Variants in PLEKHA6 observed in about 807,000 individuals in gnomAD.
PLEKHA6 encodes pleckstrin homology domain-containing family A member 6.
In PLEKHA6, 60 loss-of-function variants were observed where a neutral mutation model predicts 116.7. That is an observed-to-expected ratio of 0.51 (90% CI 0.42 to 0.64). PLEKHA6 has a LOEUF of 0.64. PLEKHA6 is among the 30% of genes least tolerant of loss of function. The probability of loss-of-function intolerance (pLI) is 0.00; values close to 1 mark genes in which losing one functional copy is unlikely to be tolerated. For synonymous variants in PLEKHA6, 489 were observed against 556.1 expected, an observed-to-expected ratio of 0.88 and a Z score of 1.70; for missense variants, 1,338 against 1,422.7, an observed-to-expected ratio of 0.94 and a Z score of 0.96.
In PLEKHA6 at chr1:204,307,916, G is replaced by A. The variant is rs75027609; in HGVS notation, c.-94-33107C>T. 2,260 of 984,166 alleles carry A rather than the reference G, an allele frequency of 2.3e-3. 52 individuals are homozygous for A. The African/African-American group carries it at 0.035, about 15-fold the overall frequency. The allele number at this position is 984,166 out of a possible 1,614,324, so 61.0% of individuals were successfully genotyped here. ...GGCAATAAGGGCAACAGGCAAGTCT[G>A]CAGCTTAAGAGCAGAGATTTTGAGA... On this transcript the variant is annotated intron_variant, in intron 1 of 22. Transcript: ENST00000272203.
intron 1 of PLEKHA6, chr1:204,280,173 T>C (rs1455640554): frequency 3.2e-6 from 1 of 313,934 alleles, no homozygotes; most frequent in Non-Finnish European, 4.6e-6. Context: ...AGCTTTCCTG[T>C]AGTTCAAGAG....
intron 3 of PLEKHA6, among the ~76,000 whole-genome samples, chr1:204,273,387 C>T (rs1440532486): frequency 1.3e-5 from 2 of 152,198 alleles, no homozygotes; most frequent in East Asian, 1.9e-4. Flanking sequence ...CATCCAACCC[C>T]GACTGCTAGC....
intron 1 of PLEKHA6, among the ~76,000 whole-genome samples, chr1:204,288,285 G>A (rs1035464760): frequency 6.6e-6 from 1 of 152,212 alleles, no homozygotes; most frequent in Non-Finnish European, 1.5e-5. Flanking sequence ...AGCCGGAGCT[G>A]GCTGATGGAC....
chr1:204,357,850 G>T (rs1220286892), intron 1 of PLEKHA6, among the ~76,000 whole-genome samples: 1 of 152,254 alleles, frequency 6.6e-6, no homozygotes, highest in Non-Finnish European at 1.5e-5. Flanking sequence ...CTGCAGGCTG[G>T]GTCTGGGCGA....
At chr1:204,281,252 G>A (rs1316738661) in intron 1 of PLEKHA6, among the ~76,000 whole-genome samples, 2 of 152,046 alleles carry the variant, frequency 1.3e-5, no homozygotes, top group Admixed American at 6.6e-5. Flanking sequence ...AAGGCCGGGG[G>A]CGGTGGCTCA....
chr1:204,326,967 A>G (rs1184618545), intron 1 of PLEKHA6: 1 of 985,140 alleles, frequency 1.0e-6, no homozygotes, highest in Non-Finnish European at 1.2e-6. Flanking sequence ...TGGTCCAGGC[A>G]GAAGCGCGCT....
At chr1:204,244,344 T>C (rs114765999) in intron 15 of PLEKHA6, among the ~76,000 whole-genome samples, 2,838 of 151,696 alleles carry the variant, frequency 0.019, 100 homozygotes, top group African/African-American at 0.066. Flanking sequence ...GGTTTCACCA[T>C]GTTGGCCGGG....
chr1:204,356,719 T>C (rs1673427205), intron 1 of PLEKHA6, among the ~76,000 whole-genome samples: 2 of 152,184 alleles, frequency 1.3e-5, no homozygotes, highest in Admixed American at 1.3e-4. Context: ...CATACACTCA[T>C]GCATGAATTC....
chr1:204,364,887 C>T (rs550606688), upstream of PLEKHA6, among the ~76,000 whole-genome samples: 5 of 152,328 alleles, frequency 3.3e-5, no homozygotes, highest in Non-Finnish European at 7.3e-5. Flanking sequence ...TTGTGATACA[C>T]GCTCCAGTTG....
upstream of PLEKHA6, among the ~76,000 whole-genome samples, chr1:204,360,767 C>T (rs1673541640): frequency 6.6e-6 from 1 of 152,084 alleles, no homozygotes; most frequent in Non-Finnish European, 1.5e-5. Flanking sequence ...CTTGATAACC[C>T]TGAGCAAGGA....
intron 1 of PLEKHA6, among the ~76,000 whole-genome samples, chr1:204,352,141 A>G (rs777649521): frequency 3.9e-5 from 6 of 152,112 alleles, no homozygotes; most frequent in Non-Finnish European, 7.3e-5. Context: ...CCGGAGGCCA[A>G]GGCAGACAGA....
chr1:204,228,230 T>C lies in PLEKHA6; in HGVS notation c.2886-2A>G. ...CCGATGGGCACCACGTTCTGCATACTGAAGAGGCACAGACACACAGAAATG... is the reference window on the plus strand; with the variant it reads ...CCGATGGGCACCACGTTCTGCATACCGAAGAGGCACAGACACACAGAAATG... On this transcript the variant is annotated splice_acceptor_variant, in intron 20 of 22. Transcript: ENST00000272203. LOFTEE classifies it high-confidence loss of function. The surrounding 1 kb of genome is among the most constrained non-coding windows in gnomAD (Gnocchi z 4.0). 6.3e-7 allele frequency: 1 copy of C among 1,598,006 alleles called. No individual in the cohort carries two copies. Among genetic ancestry groups the C allele is most frequent in the Non-Finnish European group, 8.5e-7 (1 of 1,170,080 alleles).
chr1:204,322,834 C>G (rs1032093913), intron 1 of PLEKHA6, among the ~76,000 whole-genome samples: 3 of 152,188 alleles, frequency 2.0e-5, no homozygotes, highest in African/African-American at 7.2e-5. Context: ...CTCTTCCCAC[C>G]CCAACCAAGC....
chr1:204,248,530 C>T (rs1261113729), intron 12 of PLEKHA6, among the ~76,000 whole-genome samples: 1 of 152,144 alleles, frequency 6.6e-6, no homozygotes. Context: ...TTAGCACAGC[C>T]AAGGAAATAA....
chr1:204,301,061 A>C (rs1670765522), intron 1 of PLEKHA6: 1 of 160,452 alleles, frequency 6.2e-6, no homozygotes, highest in African/African-American at 2.4e-5. Flanking sequence ...GCAGGATATT[A>C]ATATGTTTGA....
At chr1:204,239,888 G>A (rs547917881) in intron 17 of PLEKHA6, among the ~76,000 whole-genome samples, 12 of 152,172 alleles carry the variant, frequency 7.9e-5, no homozygotes, top group Non-Finnish European at 1.5e-4. Flanking sequence ...ATCACCCCTA[G>A]TGATCCACTA....
intron 1 of PLEKHA6, among the ~76,000 whole-genome samples, chr1:204,302,129 T>C (rs757097611): frequency 1.3e-5 from 2 of 152,190 alleles, no homozygotes; most frequent in African/African-American, 2.4e-5. Context: ...CATGGAGACC[T>C]GAGGCATGCA....
chr1:204,234,954 TTATATATATATATA>T (rs61156938), intron 17 of PLEKHA6, among the ~76,000 whole-genome samples: 282 of 18,306 alleles, frequency 0.015, 3 homozygotes, highest in African/African-American at 0.017. Context: ...AAACTGCCCT[TTATATATATATATA>T]TATATATATA....
At chr1:204,246,966 A>C (rs4951053) in intron 13 of PLEKHA6, among the ~76,000 whole-genome samples, 6 of 151,878 alleles carry the variant, frequency 4.0e-5, no homozygotes, top group African/African-American at 1.5e-4. Flanking sequence ...GGAGACCCTG[A>C]CTCTACAAAA....
Sources: gnomAD v4.1 joint callset for allele counts (sites outside exome capture counted in the v4.1 genomes callset) on GRCh38, gnomAD v4.1.1 for gene constraint, Gnocchi (gnomAD v3.1) non-coding constraint, MANE v1.5 for transcripts, NCBI Gene and HGNC (gene_info 2026-07-23, HGNC 2026-07-21) for gene names.